The following TMPRSS11A variants were observed in gnomAD, a reference collection of about 807,000 sequenced individuals.
TMPRSS11A encodes transmembrane serine protease 11A, also known as transmembrane protease serine 11A.
TMPRSS11A carries 53 observed loss-of-function variants against 58.9 expected under a neutral mutation model. The observed-to-expected ratio is 0.90, with a 90% CI of 0.72 to 1.13. The LOEUF is 1.13. Among genes scored for constraint, TMPRSS11A ranks in the 50% most tolerant of loss-of-function variants. The pLI, the probability that TMPRSS11A is intolerant of heterozygous loss-of-function variation, is 0.00. For synonymous variants in TMPRSS11A, 167 were observed against 169.8 expected, an observed-to-expected ratio of 0.98 and a Z score of 0.13; for missense variants, 493 against 499.3, an observed-to-expected ratio of 0.99 and a Z score of 0.12.
intron 1 of TMPRSS11A, among the ~76,000 whole-genome samples, chr4:67,952,132 A>G (rs1374478833): frequency 1.3e-5 from 2 of 152,312 alleles, no homozygotes; most frequent in Middle Eastern, 3.4e-3. Flanking sequence ...GATTGTTGAT[A>G]TATTTTCCCA....
chr4:67,914,876 T>C, intron 8 of TMPRSS11A, 146 bp from the exon 9 acceptor site: 1 of 579,818 alleles, frequency 1.7e-6, no homozygotes, highest in East Asian at 3.1e-5. Flanking sequence ...AAAAAGAATT[T>C]CTGGTTAAAT....
At chr4:67,958,867 C>A (rs921334992) in intron 1 of TMPRSS11A, among the ~76,000 whole-genome samples, 4 of 152,162 alleles carry the variant, frequency 2.6e-5, no homozygotes, top group Non-Finnish European at 4.4e-5. Context: ...GAAGGCAGAT[C>A]TTTCCTATGC....
intron 3 of TMPRSS11A, among the ~76,000 whole-genome samples, chr4:67,938,040 T>C (rs1720794515): frequency 1.3e-5 from 2 of 152,218 alleles, no homozygotes; most frequent in Middle Eastern, 3.2e-3. Flanking sequence ...AAGCATTCTC[T>C]TTCCTCCGCA....
intron 7 of TMPRSS11A, among the ~76,000 whole-genome samples, chr4:67,921,600 T>C (rs1720332806): frequency 1.3e-5 from 2 of 152,198 alleles, no homozygotes; most frequent in Non-Finnish European, 2.9e-5. Flanking sequence ...TGAGCCACCA[T>C]GCCAAGCCTA....
intron 1 of TMPRSS11A, among the ~76,000 whole-genome samples, chr4:67,955,407 T>A (rs766911046): frequency 2.6e-5 from 4 of 152,224 alleles, no homozygotes; most frequent in Non-Finnish European, 5.9e-5. Context: ...TGGCACTAGG[T>A]ACAGTATCAC....
intron 1 of TMPRSS11A, among the ~76,000 whole-genome samples, chr4:67,959,076 A>G (rs995206297): frequency 6.6e-6 from 1 of 152,200 alleles, no homozygotes; most frequent in African/African-American, 2.4e-5. Flanking sequence ...GTATGTCTTT[A>G]TCAGCAGCAT....
intron 1 of TMPRSS11A, among the ~76,000 whole-genome samples, chr4:67,963,123 T>G (rs1243372303): frequency 2.6e-5 from 4 of 152,254 alleles, no homozygotes; most frequent in African/African-American, 9.6e-5. Context: ...AATATAGTTT[T>G]TCATTAACCT....
intron 1 of TMPRSS11A, among the ~76,000 whole-genome samples, chr4:67,954,749 G>A (rs922780862): frequency 6.6e-6 from 1 of 152,198 alleles, no homozygotes; most frequent in Non-Finnish European, 1.5e-5. Flanking sequence ...AAAATCTGGA[G>A]CCAGACTGCT....
intron 7 of TMPRSS11A, 34 bp downstream of exon 7, chr4:67,922,721 A>G: frequency 6.3e-7 from 1 of 1,576,714 alleles, no homozygotes; most frequent in Non-Finnish European, 8.7e-7. Context: ...GCTTTTTAGC[A>G]GAAGTGGGTT....
At chr4:67,950,467 G>T (rs1414443925) in intron 1 of TMPRSS11A, among the ~76,000 whole-genome samples, 1 of 152,216 alleles carries the variant, frequency 6.6e-6, no homozygotes, top group Non-Finnish European at 1.5e-5. Flanking sequence ...CATCCGATTA[G>T]GGTAGGCCCA....
chr4:67,926,509 G>A (rs971237969), intron 5 of TMPRSS11A, among the ~76,000 whole-genome samples: 1 of 152,338 alleles, frequency 6.6e-6, no homozygotes, highest in Admixed American at 6.5e-5. Context: ...TAGCAGTGAT[G>A]GTGGTGGGTC....
chr4:67,945,743 T>A (rs1382404645), intron 2 of TMPRSS11A, among the ~76,000 whole-genome samples: 1 of 152,120 alleles, frequency 6.6e-6, no homozygotes, highest in African/African-American at 2.4e-5. Flanking sequence ...ATCACATACA[T>A]CCATGTGAGA....
chr4:67,948,040 A>T (rs1721067540), intron 1 of TMPRSS11A, among the ~76,000 whole-genome samples: 1 of 151,862 alleles, frequency 6.6e-6, no homozygotes, highest in Non-Finnish European at 1.5e-5. Flanking sequence ...ATGTGTATAT[A>T]TTGATAGCCT....
chr4:67,952,815 G>T (rs1721195177), intron 1 of TMPRSS11A, among the ~76,000 whole-genome samples: 1 of 152,224 alleles, frequency 6.6e-6, no homozygotes, highest in Non-Finnish European at 1.5e-5. Flanking sequence ...TGAAGATGGT[G>T]AATAAATCAT....
chr4:67,920,549 A>ATATATATATATATATATATATATT (rs371252656), intron 7 of TMPRSS11A, among the ~76,000 whole-genome samples: 1 of 130,900 alleles, frequency 7.6e-6, no homozygotes, highest in African/African-American at 3.1e-5. Flanking sequence ...ATATATATAT[A>ATATATATATATATATATATATATT]TTTTTTTTTA....
intron 1 of TMPRSS11A, among the ~76,000 whole-genome samples, chr4:67,947,863 C>A (rs1721064057): frequency 6.6e-6 from 1 of 152,142 alleles, no homozygotes; most frequent in East Asian, 1.9e-4. Flanking sequence ...TCATATAAAT[C>A]TATGAGAGTC....
chr4:67,934,415 G>A (rs950461363), intron 3 of TMPRSS11A, among the ~76,000 whole-genome samples: 25 of 152,090 alleles, frequency 1.6e-4, no homozygotes, highest in Non-Finnish European at 3.2e-4. Context: ...TTTTGCCAAC[G>A]TTCTGGCATT....
chr4:67,942,801 G>A (rs955435299), intron 3 of TMPRSS11A, among the ~76,000 whole-genome samples: 1 of 152,102 alleles, frequency 6.6e-6, no homozygotes, highest in Non-Finnish European at 1.5e-5. Context: ...GGCATGACAG[G>A]CAGGTAAATA....
At chr4:67,951,153 A>G (rs1412528869) in intron 1 of TMPRSS11A, among the ~76,000 whole-genome samples, 2 of 152,176 alleles carry the variant, frequency 1.3e-5, no homozygotes, top group African/African-American at 4.8e-5. Flanking sequence ...AATTAGACCA[A>G]TCCAAATCCA....
Sources: allele counts gnomAD v4.1 joint callset (sites outside exome capture counted in the v4.1 genomes callset), GRCh38; gene constraint gnomAD v4.1.1; transcripts MANE v1.5; gene names NCBI Gene and HGNC (gene_info 2026-07-23, HGNC 2026-07-21).